PTPRE: variants seen among roughly 807,000 people sequenced by gnomAD.
PTPRE encodes receptor-type tyrosine-protein phosphatase epsilon.
In PTPRE, 51 loss-of-function variants were observed where a neutral mutation model predicts 102.0. The observed-to-expected ratio is 0.50, with a 90% CI of 0.40 to 0.63. The LOEUF (loss-of-function observed/expected upper bound fraction) is 0.63. Among genes scored for constraint, PTPRE ranks in the 30% least tolerant of loss-of-function variants. The pLI is 0.00. For missense variants in PTPRE, 752 were observed against 915.1 expected, an observed-to-expected ratio of 0.82 and a Z score of 2.30; for synonymous variants, 345 against 348.2, an observed-to-expected ratio of 0.99 and a Z score of 0.10.
intron 1 of PTPRE, among the ~76,000 whole-genome samples, chr10:127,911,001 G>T (rs1406853325): frequency 6.6e-6 from 1 of 152,192 alleles, no homozygotes; most frequent in African/African-American, 2.4e-5. Flanking sequence ...AGAAACATCT[G>T]AGCCTGGGAG....
At chr10:127,962,639 A>G (rs1849915085) in intron 1 of PTPRE, among the ~76,000 whole-genome samples, 1 of 152,168 alleles carries the variant, frequency 6.6e-6, no homozygotes, top group Non-Finnish European at 1.5e-5. Context: ...AGCTCAGGGG[A>G]GCAGGAGTCT....
intron 1 of PTPRE, among the ~76,000 whole-genome samples, chr10:127,980,457 A>G (rs951575965): frequency 6.6e-6 from 1 of 152,082 alleles, no homozygotes; most frequent in Non-Finnish European, 1.5e-5. Context: ...TCATTTGAGA[A>G]TAAAGTTTTA....
intron 2 of PTPRE, among the ~76,000 whole-genome samples, chr10:128,021,909 C>A (rs569652518): frequency 6.6e-6 from 1 of 152,184 alleles, no homozygotes; most frequent in Non-Finnish European, 1.5e-5. Context: ...CATTCCTGTT[C>A]GAGGCTTTGA....
chr10:128,000,588 T>G (rs1469561807), intron 2 of PTPRE, among the ~76,000 whole-genome samples: 2 of 152,248 alleles, frequency 1.3e-5, no homozygotes, highest in African/African-American at 4.8e-5. Flanking sequence ...TTTAAATTGC[T>G]AATGCTCCCA....
At chr10:128,053,602 C>T (rs1466361256) in intron 6 of PTPRE, among the ~76,000 whole-genome samples, 1 of 152,210 alleles carries the variant, frequency 6.6e-6, no homozygotes, top group Non-Finnish European at 1.5e-5. Flanking sequence ...CTCCCCACTT[C>T]AACTTTGACC....
At chr10:127,946,223 A>G (rs1848609234) in intron 1 of PTPRE, among the ~76,000 whole-genome samples, 1 of 152,154 alleles carries the variant, frequency 6.6e-6, no homozygotes, top group South Asian at 2.1e-4. Flanking sequence ...TTCAGGGCCC[A>G]AGTACAAAGA....
At chr10:128,041,108 G>A in intron 3 of PTPRE, 118 bp downstream of exon 3, 1 of 855,442 alleles carries the variant, frequency 1.2e-6, no homozygotes. Context: ...GAATTTCTTA[G>A]TGTGCTTTTA....
At chr10:128,062,817 C>A in intron 9 of PTPRE, 1 of 504,514 alleles carries the variant, frequency 2.0e-6, no homozygotes, top group South Asian at 3.1e-5. Flanking sequence ...CTCATCTGAA[C>A]CCTGCTTCTT....
intron 1 of PTPRE, among the ~76,000 whole-genome samples, chr10:127,978,524 G>A (rs911459138): frequency 1.3e-5 from 2 of 151,728 alleles, no homozygotes; most frequent in African/African-American, 4.9e-5. Context: ...CTGGACTATA[G>A]AGTGGGACCC....
intron 1 of PTPRE, among the ~76,000 whole-genome samples, chr10:127,917,446 C>A (rs188771244): frequency 3.3e-5 from 5 of 152,180 alleles, no homozygotes; most frequent in Non-Finnish European, 5.9e-5. Flanking sequence ...CTTTGGGAAG[C>A]TGAGGTTGGA....
At chr10:127,956,028 C>A (rs1423808171) in intron 1 of PTPRE, among the ~76,000 whole-genome samples, 1 of 152,152 alleles carries the variant, frequency 6.6e-6, no homozygotes, top group Non-Finnish European at 1.5e-5. Context: ...GGGCAGTACA[C>A]AAATCGAAAC....
At chr10:128,018,970 A>G (rs1845648112) in intron 2 of PTPRE, among the ~76,000 whole-genome samples, 2 of 152,250 alleles carry the variant, frequency 1.3e-5, no homozygotes, top group African/African-American at 4.8e-5. Flanking sequence ...TGCACACTGC[A>G]CCAGGGAAAC....
chr10:128,025,654 A>AG (rs1245351840), intron 2 of PTPRE, among the ~76,000 whole-genome samples: 3 of 152,038 alleles, frequency 2.0e-5, no homozygotes, highest in Non-Finnish European at 4.4e-5. Context: ...TCATCCCCCC[A>AG]GGAACTCCCC....
intron 1 of PTPRE, among the ~76,000 whole-genome samples, chr10:127,961,797 C>T (rs1377494619): frequency 6.6e-6 from 1 of 152,192 alleles, no homozygotes; most frequent in East Asian, 1.9e-4. Flanking sequence ...AGACTGCAGG[C>T]AGCACTGAGA....
chr10:127,937,522 C>T (rs928908073), intron 1 of PTPRE, among the ~76,000 whole-genome samples: 8 of 152,208 alleles, frequency 5.3e-5, no homozygotes, highest in Admixed American at 2.0e-4. Flanking sequence ...ATCAATATCT[C>T]GGTAGAGAAA....
intron 2 of PTPRE, among the ~76,000 whole-genome samples, chr10:128,012,725 G>A (rs1374111154): frequency 6.6e-6 from 1 of 152,084 alleles, no homozygotes; most frequent in African/African-American, 2.4e-5. Context: ...TCAAATACAA[G>A]GATTCCAGTA....
rs774438561 is a variant in PTPRE, at chr10:128,070,289, G to A, written c.1144-12G>A. The A allele has an allele frequency of 3.1e-5, 50 of 1,598,544 alleles. No homozygotes were observed. The highest frequency in any genetic ancestry group is 4.3e-5 in the Non-Finnish European group (50 of 1,171,474). The stretch of plus-strand genomic sequence containing the variant: ...AGAGTTGAGGGTGTGGGCACCCCTG[G>A]CCTCTCTGCAGATGCAGTACACGTT... On this transcript the variant is annotated splice_polypyrimidine_tract_variant and intron_variant, in intron 13 of 20. Coordinates refer to ENST00000254667, the MANE Select transcript of PTPRE (RefSeq NM_006504.6). This position sits in a 1 kb window ranked among gnomAD's most constrained non-coding sequence, Gnocchi z 4.8.
At chr10:127,977,247 G>GAC (rs1378304826) in intron 1 of PTPRE, among the ~76,000 whole-genome samples, 15 of 152,200 alleles carry the variant, frequency 9.9e-5, no homozygotes, top group Non-Finnish European at 1.9e-4. Flanking sequence ...TTCACAGTAA[G>GAC]ACTGCTTCAA....
At chr10:128,032,234 T>C (rs940648424) in intron 2 of PTPRE, among the ~76,000 whole-genome samples, 1 of 152,172 alleles carries the variant, frequency 6.6e-6, no homozygotes, top group African/African-American at 2.4e-5. Context: ...CACAGTGGTC[T>C]TGAACTCTTG....
Sources: gnomAD v4.1 joint callset for allele counts (sites outside exome capture counted in the v4.1 genomes callset) on GRCh38, gnomAD v4.1.1 for gene constraint, Gnocchi (gnomAD v3.1) non-coding constraint, MANE v1.5 for transcripts, NCBI Gene and HGNC (gene_info 2026-07-23, HGNC 2026-07-21) for gene names.